ACOX3: variants seen among roughly 807,000 people sequenced by gnomAD.
ACOX3 encodes acyl-CoA oxidase 3, pristanoyl.
ACOX3 carries 73 observed loss-of-function variants against 81.5 expected under a neutral mutation model. The observed-to-expected ratio is 0.90, with a 90% CI of 0.74 to 1.09. The LOEUF (loss-of-function observed/expected upper bound fraction) is 1.09. Among genes scored for constraint, ACOX3 ranks in the 50% least tolerant of loss-of-function variants. The probability of loss-of-function intolerance (pLI) is 0.00; values close to 1 mark genes in which losing one functional copy is unlikely to be tolerated. For synonymous variants in ACOX3, 387 were observed against 375.1 expected (o/e 1.03, Z -0.37); for missense variants, 947 against 928.0 (o/e 1.02, Z -0.27).
At chr4:8,415,570 G>A (rs1302513755) in intron 3 of ACOX3, among the ~76,000 whole-genome samples, 196 bp downstream of exon 3, 2 of 151,386 alleles carry the variant, frequency 1.3e-5, no homozygotes, top group East Asian at 1.9e-4. Context: ...ATGGTGGATG[G>A]GCTTGAAAAT....
At chr4:8,356,330 T>A in the ACOX3 span, 7 of 358,424 alleles carry the variant, frequency 2.0e-5, no homozygotes, top group African/African-American at 1.5e-4. Flanking sequence ...ACTGCTGGTA[T>A]AAGAAATCTC....
chr4:8,367,258 T>C (rs34786834), intron 17 of ACOX3, among the ~76,000 whole-genome samples, 178 bp from the exon 18 acceptor site: 2,729 of 152,202 alleles, frequency 0.018, 41 homozygotes, highest in South Asian at 0.055. Flanking sequence ...GGTAGGCAGA[T>C]CACCTGAGGT....
rs1723993850 is a variant in ACOX3 at position 8,432,173 on chromosome 4, G to T, written c.-15+8475C>A. Among the ~76,000 whole-genome samples the T allele has an allele frequency of 6.6e-6, 1 of 152,086 alleles. No homozygotes were observed. On this transcript the variant is annotated intron_variant, in intron 1 of 17. Transcript: ENST00000356406. This position sits in a 1 kb window ranked among gnomAD's most constrained non-coding sequence, Gnocchi z 6.2. The stretch of plus-strand genomic sequence containing the variant: ...GGAAAGAGTTGTGGAACATAAATGT[G>T]GTTTTGTACAAGATGCACAAACAAA...
chr4:8,415,913 C>A lies in ACOX3; in HGVS notation c.231G>T (p.Leu77=). The change falls in exon 3 of 18, where the codon CTG becomes CTT. Residue 77 remains leucine, a synonymous_variant. Coordinates refer to ENST00000356406, the MANE Select transcript of ACOX3 (RefSeq NM_003501.3). ...ADLSLEKYRE[L]NFLRCKRIFE... ...AGATCCGCTTGCATCGAAGGAAGTT[C>A]AGCTCGCGATACTTCTCCAAGGACA... 1 of 1,614,208 alleles carries A rather than the reference C, an allele frequency of 6.2e-7. No individual in the cohort carries two copies. The highest frequency in any genetic ancestry group is 1.1e-5 in the South Asian group (1 of 91,074).
In ACOX3 at chr4:8,440,665, C is replaced by A. The variant is rs986808081; in HGVS notation, c.-32G>T. On this transcript the variant is annotated 5_prime_UTR_variant, in exon 1 of 18. Coordinates refer to ENST00000356406, the MANE Select transcript of ACOX3 (RefSeq NM_003501.3). ...TTCCTCACCCACACACTCCACAGTT[C>A]AACCCCTGCCAGGGAAACCAAAAGC... The A allele has an allele frequency of 2.3e-5, 21 of 924,018 alleles. No homozygotes were observed. The highest frequency in any genetic ancestry group is 3.4e-4 in the Middle Eastern group (1 of 2,972). The allele number at this position is 924,018 out of a possible 1,614,324, so 57.2% of individuals were successfully genotyped here.
chr4:8,364,700 T>C (rs1715320838), downstream of ACOX3, among the ~76,000 whole-genome samples: 1 of 152,264 alleles, frequency 6.6e-6, no homozygotes, highest in East Asian at 1.9e-4. This position sits in a 1 kb window ranked among gnomAD's most constrained non-coding sequence, Gnocchi z 5.0. Context: ...TGTGTTTTTT[T>C]CTGTAAACCT....
In ACOX3 at chr4:8,433,331, A is replaced by T. The variant is rs146187506; in HGVS notation, c.-15+7317T>A. ...GTTGCCCTTATTAGAAGAAGAAAAG[A>T]GATCTGGAGAAACAAGAACACCACG... On this transcript the variant is annotated intron_variant, in intron 1 of 17. Coordinates refer to ENST00000356406, the MANE Select transcript of ACOX3 (RefSeq NM_003501.3). Among the ~76,000 whole-genome samples the T allele has an allele frequency of 2.0e-3, 312 of 152,370 alleles. 3 individuals carry two copies. The highest frequency in any genetic ancestry group is 7.0e-3 in the African/African-American group (292 of 41,590).
intron 1 of ACOX3, chr4:8,428,367 G>C (rs1723711829): frequency 6.5e-6 from 1 of 152,682 alleles, no homozygotes; most frequent in African/African-American, 2.4e-5. Flanking sequence ...GGCGCTCAGG[G>C]GATGCCTGTC....
chr4:8,429,800 C>T (rs1723846050), intron 1 of ACOX3, among the ~76,000 whole-genome samples: 4 of 152,106 alleles, frequency 2.6e-5, no homozygotes, highest in South Asian at 2.1e-4. Flanking sequence ...AGGCGTTGTG[C>T]GCCATGGTTC....
chr4:8,372,703 G>A (rs10024067), intron 16 of ACOX3, among the ~76,000 whole-genome samples: 10,354 of 152,230 alleles, frequency 0.068, 794 homozygotes, highest in African/African-American at 0.19. Flanking sequence ...TCACAGGGAC[G>A]TTCCACTGGT....
chr4:8,390,687 A>G (rs1211822282), intron 11 of ACOX3, among the ~76,000 whole-genome samples: 1 of 152,228 alleles, frequency 6.6e-6, no homozygotes, highest in East Asian at 1.9e-4. Context: ...TGTTCTCTGA[A>G]TGTGAGGCTG....
At position 8,410,365 on chromosome 4, in the gene ACOX3, G is replaced by T; in HGVS notation, c.544-10C>A. Reference sequence around the variant, plus strand: ...AATGTATGATGAATTCCTGCACAAGGGAAAATTTAGGTTAGTTATAATTAG... The same window carrying T: ...AATGTATGATGAATTCCTGCACAAGTGAAAATTTAGGTTAGTTATAATTAG... On this transcript the variant is annotated splice_polypyrimidine_tract_variant and intron_variant, in intron 5 of 17. Coordinates refer to ENST00000356406, the MANE Select transcript of ACOX3 (RefSeq NM_003501.3). 3 of 1,612,818 alleles carry T rather than the reference G, an allele frequency of 1.9e-6. No individual in the cohort carries two copies. Among genetic ancestry groups the T allele is most frequent in the African/African-American group, 1.3e-5 (1 of 75,028 alleles).
Position 8,436,075 on chromosome 4 carries a change from G to C in ACOX3, c.-15+4573C>G, listed in dbSNP as rs185705678. The C allele has an allele frequency of 4.6e-5, 7 of 152,170 alleles. No individual in the cohort carries two copies. In the East Asian group the frequency reaches 7.7e-4, roughly 17 times the overall value. 9.4% of individuals were successfully genotyped at this position (152,170 alleles called of 1,614,324 possible). On this transcript the variant is annotated intron_variant, in intron 1 of 17. Transcript: ENST00000356406. Reference sequence around the variant, plus strand: ...TTATAATGACCAAGCCCACATCCAGGGGGTGGGGCAACAGACTTTCATCTA... The same window carrying C: ...TTATAATGACCAAGCCCACATCCAGCGGGTGGGGCAACAGACTTTCATCTA...
At position 8,410,255 on chromosome 4, in the gene ACOX3, A is replaced by G. The variant is rs778366492; in HGVS notation, c.644T>C (p.Val215Ala). 3.7e-6 allele frequency: 6 copies of G among 1,613,996 alleles called. No individual in the cohort carries two copies. Among genetic ancestry groups the G allele is most frequent in the Non-Finnish European group, 5.1e-6 (6 of 1,179,974 alleles). ...THAVVFAKLCVPGDQCHGLHP... is the reference protein window; with the variant it reads ...THAVVFAKLCAPGDQCHGLHP... ...CAGCCCATGGCACTGGTCCCCTGGC[A>G]CACACAGCTTAGCAAACACCACCGC... Residue 215 changes from valine (V) to alanine (A), a missense_variant, in exon 6 of 18, where the codon GTG becomes GCG. By Grantham distance (64) the Val-to-Ala change is moderately conservative (BLOSUM62 0). Coordinates refer to ENST00000356406, the MANE Select transcript of ACOX3 (RefSeq NM_003501.3).
downstream of ACOX3, among the ~76,000 whole-genome samples, chr4:8,362,208 T>C (rs1349840086): frequency 6.6e-6 from 1 of 152,208 alleles, no homozygotes; most frequent in Non-Finnish European, 1.5e-5. Context: ...AGAACTCTCA[T>C]AGAGAGCTGA....
intron 8 of ACOX3, among the ~76,000 whole-genome samples, 161 bp from the exon 9 acceptor site, chr4:8,397,280 G>A (rs771154336): frequency 1.3e-5 from 2 of 152,244 alleles, no homozygotes; most frequent in Non-Finnish European, 2.9e-5. Flanking sequence ...GGACGGTGCG[G>A]CAGGCGGGTA....
Position 8,416,062 on chromosome 4 carries a change from T to C in ACOX3, c.145-63A>G. ...AAAAGATGGACTCTCCATGTGCCCT[T>C]ATATAGTTGACCTCCAGGCCACAGG... On this transcript the variant is annotated intron_variant, in intron 2 of 17. Coordinates refer to ENST00000356406, the MANE Select transcript of ACOX3 (RefSeq NM_003501.3). The surrounding 1 kb of genome is among the most constrained non-coding windows in gnomAD (Gnocchi z 4.2). 3 of 1,517,810 alleles carry C rather than the reference T, an allele frequency of 2.0e-6. No homozygotes were observed. The highest frequency in any genetic ancestry group is 2.7e-6 in the Non-Finnish European group (3 of 1,099,114). The allele number at this position is 1,517,810 out of a possible 1,614,324, so 94.0% of individuals were successfully genotyped here. A position where few individuals can be genotyped will look rare whatever the true frequency, so the allele number is the denominator to read the frequency against.
rs147406974 is a variant in ACOX3 at position 8,382,029 on chromosome 4, G to A, written c.1538-422C>T. 0.011 allele frequency among the ~76,000 whole-genome samples: 1,710 copies of A among 152,322 alleles called. 29 individuals are homozygous for A. Among genetic ancestry groups the A allele is most frequent in the African/African-American group, 0.038 (1,568 of 41,570 alleles). ...AGCAGGACAACTGGCCGGCGGTGGC[G>A]CCCAGTGGCGAGAGGAAGGGGTGCT... On this transcript the variant is annotated intron_variant, in intron 13 of 17. Coordinates refer to ENST00000356406, the MANE Select transcript of ACOX3 (RefSeq NM_003501.3). This position sits in a 1 kb window ranked among gnomAD's most constrained non-coding sequence, Gnocchi z 4.1.
chr4:8,369,871 C>T (rs550846737), intron 17 of ACOX3, among the ~76,000 whole-genome samples: 2 of 152,358 alleles, frequency 1.3e-5, no homozygotes, highest in East Asian at 1.9e-4. Flanking sequence ...CTCTGTGACT[C>T]ACAGCCAGGG....
Sources: allele counts gnomAD v4.1 joint callset (sites outside exome capture counted in the v4.1 genomes callset), GRCh38; gene constraint gnomAD v4.1.1; non-coding constraint Gnocchi (gnomAD v3.1); transcripts MANE v1.5; gene names NCBI Gene and HGNC (gene_info 2026-07-23, HGNC 2026-07-21).